The following PHF21B variants were observed in gnomAD, a reference collection of about 807,000 sequenced individuals.
The protein encoded by PHF21B is PHD finger protein 21B.
In PHF21B, 22 loss-of-function variants were observed where a neutral mutation model predicts 62.2. The observed-to-expected ratio is 0.35, with a 90% CI of 0.25 to 0.51. The LOEUF (loss-of-function observed/expected upper bound fraction) is 0.51, where lower values mean the gene tolerates loss of function less well. Ranked by LOEUF, PHF21B falls within the 20% of genes least tolerant of loss-of-function variation. The pLI is 0.97. For missense variants in PHF21B, 701 were observed against 707.9 expected (o/e 0.99, Z 0.11); for synonymous variants, 341 against 314.7 (o/e 1.08, Z -0.88).
intron 2 of PHF21B, among the ~76,000 whole-genome samples, chr22:44,973,932 G>C (rs1354416789): frequency 6.6e-6 from 1 of 152,182 alleles, no homozygotes; most frequent in Non-Finnish European, 1.5e-5. Context: ...AGGCAGGTAA[G>C]GACAATGTAG....
chr22:44,898,713 T>C (rs2147268807), intron 5 of PHF21B, among the ~76,000 whole-genome samples: 1 of 152,330 alleles, frequency 6.6e-6, no homozygotes, highest in Non-Finnish European at 1.5e-5. Flanking sequence ...GTTTTGATTG[T>C]TTGGATCCTG....
chr22:44,976,232 T>A (rs569459546), intron 2 of PHF21B, among the ~76,000 whole-genome samples: 5 of 152,372 alleles, frequency 3.3e-5, no homozygotes, highest in Non-Finnish European at 5.9e-5. Flanking sequence ...AGTAGGATAT[T>A]TTGATGCATG....
intron 8 of PHF21B, 64 bp downstream of exon 8, chr22:44,891,242 C>A (rs1353892156): frequency 1.3e-6 from 2 of 1,577,944 alleles, no homozygotes; most frequent in African/African-American, 2.7e-5. Flanking sequence ...CGTGGAGGAC[C>A]ACCCAGGGAT....
chr22:44,961,819 T>C (rs1052927982), intron 2 of PHF21B, among the ~76,000 whole-genome samples: 3 of 151,656 alleles, frequency 2.0e-5, no homozygotes, highest in Non-Finnish European at 4.4e-5. Context: ...CAATCCAGCC[T>C]GGGTGACAGA....
At chr22:44,981,422 G>A (rs1316329802) in intron 2 of PHF21B, among the ~76,000 whole-genome samples, 6 of 152,190 alleles carry the variant, frequency 3.9e-5, no homozygotes, top group African/African-American at 1.4e-4. Context: ...CTGCAGATCT[G>A]GCTATGGTCT....
intron 5 of PHF21B, among the ~76,000 whole-genome samples, chr22:44,905,469 T>G (rs1363248924): frequency 6.6e-6 from 1 of 152,234 alleles, no homozygotes; most frequent in African/African-American, 2.4e-5. Flanking sequence ...TTAAATACAC[T>G]TATTTAAAAG....
At chr22:45,008,687 C>T in intron 1 of PHF21B, 77 bp from the exon 2 acceptor site, 1 of 1,248,118 alleles carries the variant, frequency 8.0e-7, no homozygotes, top group East Asian at 3.3e-5. Context: ...GCCGCGGCAC[C>T]CCCCGCCCGG....
At chr22:44,940,419 G>A (rs566278421) in intron 2 of PHF21B, among the ~76,000 whole-genome samples, 17 of 152,308 alleles carry the variant, frequency 1.1e-4, no homozygotes, top group African/African-American at 2.9e-4. Context: ...TTAATAAGCC[G>A]GAATAATGAG....
chr22:44,955,984 C>T (rs909716168), intron 2 of PHF21B, among the ~76,000 whole-genome samples: 5 of 152,190 alleles, frequency 3.3e-5, no homozygotes, highest in African/African-American at 1.2e-4. Flanking sequence ...AGCCCTGGCC[C>T]ACGACAGGGA....
intron 10 of PHF21B, among the ~76,000 whole-genome samples, 192 bp downstream of exon 10, chr22:44,887,771 A>G (rs1414887824): frequency 6.6e-6 from 1 of 152,028 alleles, no homozygotes; most frequent in Non-Finnish European, 1.5e-5. Flanking sequence ...AAAAAAAAAA[A>G]AAAAATCCCA....
In PHF21B at chr22:44,967,657, T is replaced by C. The variant is rs561687530; in HGVS notation, c.120+40888A>G. Among the ~76,000 whole-genome samples the C allele has an allele frequency of 2.6e-5, 4 of 152,324 alleles. No individual in the cohort carries two copies. The East Asian group carries it at 7.7e-4, about 29-fold the overall frequency. ...CTGTTAATGTCTGACACCGGCCTGG[T>C]GCATCTGCCTCCACTAGGGAACCAA... On this transcript the variant is annotated intron_variant, in intron 2 of 12. Transcript: ENST00000313237.
intron 2 of PHF21B, among the ~76,000 whole-genome samples, chr22:44,939,447 C>G (rs571156514): frequency 2.0e-5 from 3 of 152,336 alleles, no homozygotes; most frequent in Admixed American, 2.0e-4. Context: ...GGAAGCACTG[C>G]GCACTGAGCA....
chr22:44,944,439 G>A (rs1188568636), intron 2 of PHF21B, among the ~76,000 whole-genome samples: 1 of 152,190 alleles, frequency 6.6e-6, no homozygotes, highest in African/African-American at 2.4e-5. Context: ...AGCACCCTCT[G>A]GATTCTGGGA....
intron 11 of PHF21B, 68 bp from the exon 12 acceptor site, chr22:44,885,597 G>A: frequency 6.9e-7 from 1 of 1,447,126 alleles, no homozygotes; most frequent in Non-Finnish European, 9.4e-7. Context: ...AGAGTAAATG[G>A]GAGAGGCAGA....
chr22:45,000,580 T>C (rs2073197680), intron 2 of PHF21B: 1 of 152,224 alleles, frequency 6.6e-6, no homozygotes, highest in African/African-American at 2.4e-5. Context: ...CAGAGTCATT[T>C]CATTGAAAAA....
intron 2 of PHF21B, among the ~76,000 whole-genome samples, chr22:44,964,378 A>T (rs2072483630): frequency 6.6e-6 from 1 of 152,106 alleles, no homozygotes; most frequent in Non-Finnish European, 1.5e-5. Context: ...GCCCCCCTGC[A>T]CTGACTCTCG....
chr22:44,978,916 C>A (rs2072787045), intron 2 of PHF21B, among the ~76,000 whole-genome samples: 1 of 152,230 alleles, frequency 6.6e-6, no homozygotes, highest in Admixed American at 6.5e-5. Flanking sequence ...CTGGAGATCC[C>A]AGGTGAGGCA....
intron 5 of PHF21B, among the ~76,000 whole-genome samples, chr22:44,905,533 G>A (rs897561720): frequency 1.3e-5 from 2 of 152,104 alleles, no homozygotes; most frequent in African/African-American, 2.4e-5. Flanking sequence ...ATTCATGTTC[G>A]AAATGTTGAT....
chr22:45,002,677 C>T (rs1253967543), intron 2 of PHF21B, among the ~76,000 whole-genome samples: 1 of 152,258 alleles, frequency 6.6e-6, no homozygotes, highest in Non-Finnish European at 1.5e-5. Flanking sequence ...CACCCCTGCA[C>T]TCCTACACAC....
Sources: gnomAD v4.1 joint callset for allele counts (sites outside exome capture counted in the v4.1 genomes callset) on GRCh38, gnomAD v4.1.1 for gene constraint, MANE v1.5 for transcripts, NCBI Gene and HGNC (gene_info 2026-07-23, HGNC 2026-07-21) for gene names.